The following NALCN variants were observed in gnomAD, a reference collection of about 807,000 sequenced individuals.
NALCN encodes the protein sodium leak channel NALCN.
Under a neutral mutation model 225.3 loss-of-function variants are expected in NALCN, and 111 were observed. That is an observed-to-expected ratio of 0.49 (90% confidence interval 0.42 to 0.58). The LOEUF (loss-of-function observed/expected upper bound fraction) is 0.58. Ranked by LOEUF, NALCN falls within the 20% of genes least tolerant of loss-of-function variation. The pLI is 0.00. For synonymous variants in NALCN, 764 were observed against 769.0 expected (o/e 0.99, Z 0.11); for missense variants, 1,378 against 2,202.4 (o/e 0.63, Z 7.49).
intron 6 of NALCN, among the ~76,000 whole-genome samples, chr13:101,354,865 T>C (rs2046004504): frequency 6.6e-6 from 1 of 152,150 alleles, no homozygotes; most frequent in African/African-American, 2.4e-5. Context: ...GACTCCCTGA[T>C]ATAGTTTGGA....
At chr13:101,390,317 A>C (rs1441445713) in intron 3 of NALCN, among the ~76,000 whole-genome samples, 1 of 152,136 alleles carries the variant, frequency 6.6e-6, no homozygotes, top group Non-Finnish European at 1.5e-5. Context: ...TGAAAAAGAA[A>C]TGAAAAAAGT....
chr13:101,370,739 T>C (rs1013252927), intron 6 of NALCN, among the ~76,000 whole-genome samples: 5 of 152,192 alleles, frequency 3.3e-5, no homozygotes, highest in African/African-American at 1.2e-4. Context: ...TACTTCACAC[T>C]GAGACATTTT....
chr13:101,109,222 C>T (rs117403035), intron 20 of NALCN, among the ~76,000 whole-genome samples: 1 of 152,278 alleles, frequency 6.6e-6, no homozygotes, highest in East Asian at 1.9e-4. Flanking sequence ...CTAAGTTGCG[C>T]AGGCCATATG....
At chr13:101,326,900 TCTC>T (rs1161887993) in intron 7 of NALCN, among the ~76,000 whole-genome samples, 1 of 152,130 alleles carries the variant, frequency 6.6e-6, no homozygotes, top group Non-Finnish European at 1.5e-5. Context: ...TGTGGCCTCT[TCTC>T]CTTTTCTAGG....
intron 3 of NALCN, 54 bp from the exon 4 acceptor site, chr13:101,378,707 A>C (rs2046762896): frequency 1.4e-6 from 2 of 1,433,964 alleles, no homozygotes; most frequent in Non-Finnish European, 1.9e-6. Context: ...TTTAAAGAAC[A>C]ATCTGTGGAG....
At position 101,103,134 on chromosome 13, in the gene NALCN, C is replaced by G. The variant is rs116607930; in HGVS notation, c.3057+38G>C. On this transcript the variant is annotated intron_variant, in intron 26 of 43. Transcript: ENST00000251127. ...CCTCATTAGCTGCATTAGAGGTGGA[C>G]TACTGTGAACTGGAATCAAAGGATA... 72 of 1,598,270 alleles carry G rather than the reference C, an allele frequency of 4.5e-5. No homozygotes were observed. The African/African-American group carries it at 7.9e-4, about 18-fold the overall frequency.
intron 36 of NALCN, 89 bp from the exon 37 acceptor site, chr13:101,073,766 A>C: frequency 1.8e-6 from 2 of 1,099,478 alleles, no homozygotes; most frequent in Non-Finnish European, 2.6e-6. Context: ...AAACAAGTGG[A>C]GGTTGTAGCA....
intron 11 of NALCN, among the ~76,000 whole-genome samples, chr13:101,257,344 T>C (rs908336665): frequency 1.3e-5 from 2 of 151,822 alleles, no homozygotes. Flanking sequence ...CATACTTCCA[T>C]GAAGAGGAGA....
intron 11 of NALCN, among the ~76,000 whole-genome samples, chr13:101,257,591 C>CT (rs1196396245): frequency 6.6e-6 from 1 of 151,838 alleles, no homozygotes. Context: ...AAAATTGTGA[C>CT]TTTTTTCTGT....
At chr13:101,298,506 G>C (rs560155649) in intron 7 of NALCN, among the ~76,000 whole-genome samples, 2 of 152,208 alleles carry the variant, frequency 1.3e-5, no homozygotes, top group South Asian at 4.1e-4. Context: ...ATTTTTAGTA[G>C]AGACAGGGTT....
intron 14 of NALCN, among the ~76,000 whole-genome samples, chr13:101,179,602 A>T (rs1048423519): frequency 2.6e-5 from 4 of 152,136 alleles, no homozygotes; most frequent in African/African-American, 7.2e-5. Flanking sequence ...CAAGCTGGGT[A>T]ATATGTCCTC....
Position 101,345,249 on chromosome 13 carries a change from T to A in NALCN, c.799+17A>T. On this transcript the variant is annotated intron_variant, in intron 7 of 43. Transcript: ENST00000251127. ...ACAAAATAGAAACTTAAAACGTATT[T>A]TACCAGTAAGACAGACCTATCTCAT... 6.2e-7 allele frequency: 1 copy of A among 1,604,844 alleles called. No homozygotes were observed. The highest frequency in any genetic ancestry group is 8.5e-7 in the Non-Finnish European group (1 of 1,174,928).
intron 30 of NALCN, 145 bp from the exon 31 acceptor site, chr13:101,083,949 G>T: frequency 1.5e-6 from 1 of 665,772 alleles, no homozygotes. Flanking sequence ...AGAGAAACAT[G>T]GTCAGAATGC....
chr13:101,126,482 T>C (rs1785063633), intron 17 of NALCN, among the ~76,000 whole-genome samples: 1 of 149,846 alleles, frequency 6.7e-6, no homozygotes. Flanking sequence ...CTGAAAGAGT[T>C]GACTTTTGGC....
intron 13 of NALCN, among the ~76,000 whole-genome samples, chr13:101,202,711 A>G (rs939600374): frequency 3.9e-5 from 6 of 152,176 alleles, no homozygotes; most frequent in African/African-American, 1.4e-4. Flanking sequence ...CGACACTGCC[A>G]ACAAAGCTCC....
At chr13:101,389,246 TAATA>T (rs1315537010) in intron 3 of NALCN, among the ~76,000 whole-genome samples, 1 of 152,194 alleles carries the variant, frequency 6.6e-6, no homozygotes, top group African/African-American at 2.4e-5. Context: ...CCAAAATCAC[TAATA>T]AATACGTGTG....
intron 11 of NALCN, among the ~76,000 whole-genome samples, chr13:101,238,764 T>C (rs1483950602): frequency 1.3e-5 from 2 of 151,958 alleles, no homozygotes. Context: ...CATGATTTAT[T>C]GAAGATAGGA....
chr13:101,065,602 C>A (rs78221048), intron 39 of NALCN, 41 bp from the exon 40 acceptor site: 2 of 1,586,878 alleles, frequency 1.3e-6, no homozygotes, highest in African/African-American at 2.7e-5. Context: ...CATCAGGCCT[C>A]GATGATTCAC....
At chr13:101,390,272 A>G (rs4772373) in intron 3 of NALCN, among the ~76,000 whole-genome samples, 37,257 of 151,902 alleles carry the variant, frequency 0.25, 5,588 homozygotes, top group East Asian at 0.44. Context: ...ATAAGAGACT[A>G]AAAAAAGAAA....
Sources: gnomAD v4.1 joint callset for allele counts (sites outside exome capture counted in the v4.1 genomes callset) on GRCh38, gnomAD v4.1.1 for gene constraint, MANE v1.5 for transcripts, NCBI Gene and HGNC (gene_info 2026-07-23, HGNC 2026-07-21) for gene names.